Variants in PTPN3 observed in about 807,000 individuals in gnomAD.
PTPN3 encodes the protein protein tyrosine phosphatase non-receptor type 3.
A neutral mutation model predicts 132.7 loss-of-function variants in PTPN3; 96 were observed. The observed-to-expected ratio is 0.72, with a 90% confidence interval of 0.61 to 0.86. The LOEUF (loss-of-function observed/expected upper bound fraction) is 0.86, where lower values mean the gene tolerates loss of function less well. Ranked by LOEUF, PTPN3 falls within the 40% of genes least tolerant of loss-of-function variation. PTPN3 has a pLI of 0.00. For synonymous variants in PTPN3, 398 were observed against 429.0 expected, an observed-to-expected ratio of 0.93 and a Z score of 0.89; for missense variants, 1,125 against 1,159.6, an observed-to-expected ratio of 0.97 and a Z score of 0.43.
At position 109,389,305 on chromosome 9, in the gene PTPN3, CTG is replaced by C; in HGVS notation, c.2179_2180del (p.Gln727ValfsTer84). 6 of 1,614,224 alleles carry C rather than the reference CTG, an allele frequency of 3.7e-6. No individual in the cohort carries two copies. Among genetic ancestry groups the C allele is most frequent in the Non-Finnish European group, 5.1e-6 (6 of 1,180,034 alleles). On this transcript the variant is annotated frameshift_variant, in exon 22 of 26. Coordinates refer to ENST00000374541, the MANE Select transcript of PTPN3 (RefSeq NM_002829.4). LOFTEE classifies it high-confidence loss of function. ...TQGPLPHTCAQFWQVVWDQKL... is the reference protein window; with the variant it reads ...TQGPLPHTCAXFWQVVWDQKL... ...TCTGATCCCAGACAACCTGCCAAAACTGTGCACAGGTATGCGGCAGGGGCCCC... is the reference window on the plus strand; with the variant it reads ...TCTGATCCCAGACAACCTGCCAAAACTGCACAGGTATGCGGCAGGGGCCCC...
intron 21 of PTPN3, among the ~76,000 whole-genome samples, chr9:109,389,809 C>T (rs2131624794): frequency 6.6e-6 from 1 of 152,362 alleles, no homozygotes; most frequent in East Asian, 1.9e-4. Flanking sequence ...GTTTACACCA[C>T]CAATTCTTGT....
At position 109,378,963 on chromosome 9, in the gene PTPN3, T is replaced by C. The variant is rs1838792164; in HGVS notation, c.*593A>G. ...GGGACACAATTCTCAGAAACATGAATATTGGAAGTCGCTGGGAGATGGGAC... is the reference window on the plus strand; with the variant it reads ...GGGACACAATTCTCAGAAACATGAACATTGGAAGTCGCTGGGAGATGGGAC... On this transcript the variant is annotated 3_prime_UTR_variant, in exon 26 of 26. Coordinates refer to ENST00000374541, the MANE Select transcript of PTPN3 (RefSeq NM_002829.4). The C allele has an allele frequency of 1.3e-5, 2 of 152,212 alleles. No homozygotes were observed. Among genetic ancestry groups the C allele is most frequent in the East Asian group, 1.9e-4 (1 of 5,190 alleles). The allele number at this position is 152,212 out of a possible 1,614,324, so 9.4% of individuals were successfully genotyped here. A position where few individuals can be genotyped will look rare whatever the true frequency, so the allele number is the denominator to read the frequency against.
At chr9:109,417,628 C>G in intron 14 of PTPN3, 1 of 985,084 alleles carries the variant, frequency 1.0e-6, no homozygotes, top group Non-Finnish European at 1.2e-6. Context: ...GGAGGGCCAG[C>G]CTCCTCTGAA....
chr9:109,380,122 G>C (rs1838919714), intron 25 of PTPN3, among the ~76,000 whole-genome samples: 1 of 152,164 alleles, frequency 6.6e-6, no homozygotes, highest in African/African-American at 2.4e-5. Context: ...GCAGGATACA[G>C]TTATTTATCT....
the PTPN3 span, among the ~76,000 whole-genome samples, chr9:109,530,793 T>C: frequency 1.3e-5 from 2 of 152,186 alleles, no homozygotes; most frequent in Non-Finnish European, 2.9e-5. Flanking sequence ...CATTGTGGTT[T>C]TGATTTGCAT....
intron 23 of PTPN3, 137 bp downstream of exon 23, chr9:109,383,286 T>A: frequency 1.4e-6 from 2 of 1,465,638 alleles, no homozygotes; most frequent in Non-Finnish European, 1.9e-6. Context: ...GGCTCTTTGA[T>A]GGGCAGTCTT....
At chr9:109,493,557 T>G (rs547290782) in intron 1 of PTPN3, among the ~76,000 whole-genome samples, 1 of 152,322 alleles carries the variant, frequency 6.6e-6, no homozygotes, top group African/African-American at 2.4e-5. Context: ...GTCCTAACTT[T>G]CCATATAAAC....
chr9:109,505,588 C>A, the PTPN3 span, among the ~76,000 whole-genome samples: 1 of 151,868 alleles, frequency 6.6e-6, no homozygotes, highest in South Asian at 2.1e-4. Context: ...CTATAAGAAT[C>A]TTTTGTACAC....
chr9:109,514,662 T>A, the PTPN3 span, among the ~76,000 whole-genome samples: 1 of 152,176 alleles, frequency 6.6e-6, no homozygotes, highest in Admixed American at 6.5e-5. Flanking sequence ...GTGCGTAGAC[T>A]GTTTTAATGG....
In PTPN3 at chr9:109,404,145, C is replaced by T. The variant is rs543014246; in HGVS notation, c.1953+303G>A. Among the ~76,000 whole-genome samples the T allele has an allele frequency of 5.5e-4, 84 of 152,240 alleles. No individual in the cohort carries two copies. In the South Asian group the frequency reaches 0.015, roughly 26 times the overall value. ...TTTCTGGCATGTTTCTCCATGACTA[C>T]CAAATGTTACTAGAATAAGAGGGTG... On this transcript the variant is annotated intron_variant, in intron 19 of 25. Coordinates refer to ENST00000374541, the MANE Select transcript of PTPN3 (RefSeq NM_002829.4).
rs186614772 is a variant in PTPN3, at chr9:109,402,830, G to T, written c.1953+1618C>A. On this transcript the variant is annotated intron_variant, in intron 19 of 25. Coordinates refer to ENST00000374541, the MANE Select transcript of PTPN3 (RefSeq NM_002829.4). ...TCATGCCTGTAATCCTAGCACTTTG[G>T]GGGGCTGAGGCAGGTGGCTTGCTTC... Among the ~76,000 whole-genome samples the T allele has an allele frequency of 1.4e-4, 21 of 152,130 alleles. No homozygotes were observed. In the East Asian group the frequency reaches 2.5e-3, roughly 18 times the overall value.
At chr9:109,512,556 C>T in the PTPN3 span, among the ~76,000 whole-genome samples, 1 of 152,226 alleles carries the variant, frequency 6.6e-6, no homozygotes, top group Admixed American at 6.5e-5. Context: ...AATTTGGTAA[C>T]ACCTGCTTCC....
At chr9:109,466,276 A>C (rs1449057679) in intron 1 of PTPN3, among the ~76,000 whole-genome samples, 1 of 152,214 alleles carries the variant, frequency 6.6e-6, no homozygotes, top group Admixed American at 6.5e-5. Flanking sequence ...GCAGTACTGC[A>C]GTACAACAAT....
At chr9:109,471,971 T>G (rs1588482400) in intron 1 of PTPN3, among the ~76,000 whole-genome samples, 1 of 152,216 alleles carries the variant, frequency 6.6e-6, no homozygotes, top group African/African-American at 2.4e-5. Context: ...CATCCTTATG[T>G]CAGTTTTACT....
At chr9:109,430,976 C>T (rs1843621590) in intron 10 of PTPN3, among the ~76,000 whole-genome samples, 1 of 152,220 alleles carries the variant, frequency 6.6e-6, no homozygotes, top group South Asian at 2.1e-4. Context: ...AGTGCCTTAC[C>T]CTGCATGCTT....
chr9:109,450,877 A>G (rs1845197635), intron 5 of PTPN3: 1 of 985,332 alleles, frequency 1.0e-6, no homozygotes. Flanking sequence ...TAACAAACAA[A>G]CAAAAACTAA....
At position 109,454,558 on chromosome 9, in the gene PTPN3, G is replaced by A. The variant is rs762747452; in HGVS notation, c.306C>T (p.Thr102=). ...TAAAAAATCTTACTCGAAAATGCAG[G>A]GTACAGGGGAAACCTCCTACAACAT... ...RKQLKGGFPC[T]LHFRVRFFIP... is the part of the protein sequence containing the mutation. Residue 102 remains threonine, a synonymous_variant, in exon 5 of 26, where the codon ACC becomes ACT. Coordinates refer to ENST00000374541, the MANE Select transcript of PTPN3 (RefSeq NM_002829.4). 5 of 1,612,928 alleles carry A rather than the reference G, an allele frequency of 3.1e-6. No individual in the cohort carries two copies. Among genetic ancestry groups the A allele is most frequent in the African/African-American group, 2.7e-5 (2 of 74,856 alleles).
chr9:109,470,313 G>A (rs115767267), intron 1 of PTPN3, among the ~76,000 whole-genome samples: 121 of 152,144 alleles, frequency 8.0e-4, no homozygotes, highest in Middle Eastern at 3.4e-3. Context: ...GTTCTTTGTG[G>A]GGCCAACCAT....
At chr9:109,432,428 C>T (rs970040886) in intron 10 of PTPN3, among the ~76,000 whole-genome samples, 8 of 152,168 alleles carry the variant, frequency 5.3e-5, no homozygotes, top group African/African-American at 1.7e-4. Context: ...ACCTTCCTGG[C>T]AATGCGTGCT....
Sources: allele counts gnomAD v4.1 joint callset (sites outside exome capture counted in the v4.1 genomes callset), GRCh38; gene constraint gnomAD v4.1.1; transcripts MANE v1.5; gene names NCBI Gene and HGNC (gene_info 2026-07-23, HGNC 2026-07-21).